SPON1: variants seen among roughly 807,000 people sequenced by gnomAD.
The protein encoded by SPON1 is spondin 1, also known as spondin-1.
In SPON1, 52 loss-of-function variants were observed where a neutral mutation model predicts 111.7. The observed-to-expected ratio is 0.47, with a 90% confidence interval of 0.37 to 0.59. The LOEUF (loss-of-function observed/expected upper bound fraction) is 0.59. Among genes scored for constraint, SPON1 ranks in the 20% least tolerant of loss-of-function variants. SPON1 has a pLI of 0.00. For synonymous variants in SPON1, 410 were observed against 395.8 expected, an observed-to-expected ratio of 1.04 and a Z score of -0.43; for missense variants, 957 against 1,068.5, an observed-to-expected ratio of 0.90 and a Z score of 1.46.
chr11:14,156,115 G>T (rs1462843124), intron 6 of SPON1, among the ~76,000 whole-genome samples: 2 of 123,082 alleles, frequency 1.6e-5, no homozygotes, highest in Non-Finnish European at 3.7e-5. Context: ...CACCAACAGT[G>T]TAAAAGTGTT....
chr11:14,260,521 G>C (rs1849159501), intron 13 of SPON1, 67 bp from the exon 14 acceptor site: 2 of 1,533,898 alleles, frequency 1.3e-6, no homozygotes, highest in South Asian at 2.5e-5. Flanking sequence ...GGAACACTGT[G>C]GGGTCAGGGA....
At chr11:14,255,919 C>T (rs537296575) in intron 9 of SPON1, 132 bp downstream of exon 9, 5 of 964,402 alleles carry the variant, frequency 5.2e-6, no homozygotes, top group South Asian at 1.9e-5. Flanking sequence ...CCTGGGCCTC[C>T]CCAGGTTTCT....
chr11:14,237,113 C>T (rs532480845), intron 6 of SPON1, among the ~76,000 whole-genome samples: 6 of 152,258 alleles, frequency 3.9e-5, no homozygotes, highest in Admixed American at 6.5e-5. Flanking sequence ...CTTACAGCCC[C>T]GTTATCACCT....
intron 3 of SPON1, among the ~76,000 whole-genome samples, chr11:14,070,139 T>A (rs1005412796): frequency 6.6e-6 from 1 of 152,228 alleles, no homozygotes; most frequent in African/African-American, 2.4e-5. Flanking sequence ...GTGACTTCAA[T>A]ATTTGATTCC....
intron 6 of SPON1, among the ~76,000 whole-genome samples, chr11:14,200,292 C>T (rs1449626173): frequency 2.0e-5 from 3 of 152,124 alleles, no homozygotes; most frequent in African/African-American, 4.8e-5. Context: ...GATCTCAGTT[C>T]TTTGCACAGT....
intron 6 of SPON1, among the ~76,000 whole-genome samples, chr11:14,241,402 T>C (rs1311824949): frequency 1.3e-5 from 2 of 152,096 alleles, no homozygotes; most frequent in Non-Finnish European, 2.9e-5. Flanking sequence ...ACCGTCAGAT[T>C]TGCAGCAAGT....
At chr11:14,009,434 A>G (rs1554913503) in intron 2 of SPON1, among the ~76,000 whole-genome samples, 1 of 152,186 alleles carries the variant, frequency 6.6e-6, no homozygotes, top group Non-Finnish European at 1.5e-5. Flanking sequence ...GCCCCAACCC[A>G]ACTTTTCCTA....
chr11:14,195,888 CA>C (rs1848395421), intron 6 of SPON1, among the ~76,000 whole-genome samples: 1 of 152,152 alleles, frequency 6.6e-6, no homozygotes, highest in East Asian at 1.9e-4. Context: ...ACCTAAGGAT[CA>C]TCCTAGAAGT....
chr11:14,262,717 G>C lies in SPON1; in HGVS notation c.2002G>C (p.Asp668His). The C allele has an allele frequency of 6.2e-7, 1 of 1,613,896 alleles. No individual in the cohort carries two copies. Among genetic ancestry groups the C allele is most frequent in the Non-Finnish European group, 8.5e-7 (1 of 1,179,860 alleles). Residue 668 changes from aspartate to histidine, a missense_variant, in exon 15 of 16, where the codon GAC (aspartate) becomes CAC (histidine). Coordinates refer to ENST00000576479, the MANE Select transcript of SPON1 (RefSeq NM_006108.4). Reference sequence around the variant, plus strand: ...GCCCATCTGTGTCTTGCCAGCCATTGACTGTGAGCTCACCGAGTGGTCCCA... The same window carrying C: ...GCCCATCTGTGTCTTGCCAGCCATTCACTGTGAGCTCACCGAGTGGTCCCA... ...EKCMLPECPI[D>H]CELTEWSQWS...
At chr11:14,235,138 T>G (rs1391604284) in intron 6 of SPON1, among the ~76,000 whole-genome samples, 1 of 152,192 alleles carries the variant, frequency 6.6e-6, no homozygotes, top group African/African-American at 2.4e-5. Flanking sequence ...CGCCTCCAGC[T>G]GACACCCAGG....
At chr11:13,997,538 A>G (rs1328577753) in intron 2 of SPON1, among the ~76,000 whole-genome samples, 1 of 152,206 alleles carries the variant, frequency 6.6e-6, no homozygotes, top group African/African-American at 2.4e-5. Flanking sequence ...CCAGCAGCCT[A>G]GGGTGCATTT....
At chr11:14,067,882 C>A (rs1262433886) in intron 3 of SPON1, among the ~76,000 whole-genome samples, 6 of 152,190 alleles carry the variant, frequency 3.9e-5, no homozygotes, top group African/African-American at 1.4e-4. Flanking sequence ...TGTTCTGATT[C>A]AACAGATTAC....
chr11:14,193,659 CCCT>C (rs2133893147), intron 6 of SPON1, among the ~76,000 whole-genome samples: 1 of 152,256 alleles, frequency 6.6e-6, no homozygotes, highest in South Asian at 2.1e-4. Context: ...CCCTCTCTGG[CCCT>C]CCTCAGACAA....
intron 1 of SPON1, among the ~76,000 whole-genome samples, chr11:13,978,999 C>CTGAT (rs1848123982): frequency 6.6e-6 from 1 of 152,192 alleles, no homozygotes; most frequent in African/African-American, 2.4e-5. Flanking sequence ...TCCCCGGAGG[C>CTGAT]TGATTGTATT....
intron 6 of SPON1, among the ~76,000 whole-genome samples, chr11:14,201,355 C>CA (rs1848461197): frequency 3.8e-4 from 14 of 36,810 alleles, no homozygotes; most frequent in South Asian, 1.5e-3. Context: ...AACAAAAAAA[C>CA]AAAAAAACAA....
chr11:14,176,304 C>A (rs782456091), intron 6 of SPON1, among the ~76,000 whole-genome samples: 10 of 152,136 alleles, frequency 6.6e-5, no homozygotes, highest in Non-Finnish European at 1.5e-4. Flanking sequence ...CCAAGAATAT[C>A]CCTTATTCCA....
chr11:14,126,434 C>T (rs1186613928), intron 5 of SPON1, among the ~76,000 whole-genome samples: 3 of 152,222 alleles, frequency 2.0e-5, no homozygotes, highest in Non-Finnish European at 4.4e-5. Context: ...AAAGAGGTTA[C>T]TACACATATA....
chr11:14,254,471 A>C, intron 7 of SPON1, 57 bp from the exon 8 acceptor site: 1 of 1,451,446 alleles, frequency 6.9e-7, no homozygotes. Flanking sequence ...GATTTCCCTC[A>C]GAGTGAGGAC....
intron 6 of SPON1, among the ~76,000 whole-genome samples, chr11:14,166,311 C>G (rs1357635331): frequency 6.6e-6 from 1 of 152,130 alleles, no homozygotes; most frequent in Non-Finnish European, 1.5e-5. Flanking sequence ...TTTCCGAATT[C>G]TGGAGAAATC....
Sources: allele counts gnomAD v4.1 joint callset (sites outside exome capture counted in the v4.1 genomes callset), GRCh38; gene constraint gnomAD v4.1.1; transcripts MANE v1.5; gene names NCBI Gene and HGNC (gene_info 2026-07-23, HGNC 2026-07-21).